The following NCOA2 variants were observed in gnomAD, a reference collection of about 807,000 sequenced individuals.
The protein encoded by NCOA2 is nuclear receptor coactivator 2.
In NCOA2, 21 loss-of-function variants were observed where a neutral mutation model predicts 145.1. The ratio of observed to expected loss-of-function variants is 0.14; its 90% CI spans 0.10 to 0.21. The LOEUF is 0.21. Ranked by LOEUF, NCOA2 falls within the 10% of genes least tolerant of loss-of-function variation. The probability of loss-of-function intolerance (pLI) is 1.00; values close to 1 mark genes in which losing one functional copy is unlikely to be tolerated. For missense variants in NCOA2, 1,472 were observed against 1,837.6 expected, an observed-to-expected ratio of 0.80 and a Z score of 3.64; for synonymous variants, 619 against 637.5, an observed-to-expected ratio of 0.97 and a Z score of 0.44.
intron 1 of NCOA2, among the ~76,000 whole-genome samples, chr8:70,375,988 T>C (rs971068024): frequency 1.3e-5 from 2 of 152,206 alleles, no homozygotes; most frequent in Non-Finnish European, 2.9e-5. Flanking sequence ...AGAAGAACTA[T>C]AATTTTATTC....
chr8:70,314,180 C>CATAAAAAAAAAAA (rs1805368858), intron 1 of NCOA2, among the ~76,000 whole-genome samples: 1 of 17,202 alleles, frequency 5.8e-5, no homozygotes, highest in African/African-American at 1.1e-4. Flanking sequence ...ACTCTGACTC[C>CATAAAAAAAAAAA]AAAAAAAAAA....
At chr8:70,451,957 GTGTTTGTTTGTT>G in the NCOA2 span, among the ~76,000 whole-genome samples, 973 of 151,306 alleles carry the variant, frequency 6.4e-3, 9 homozygotes, top group African/African-American at 0.022. Flanking sequence ...GGCATTTAAG[GTGTTTGTTTGTT>G]TGTTTGTTTG....
chr8:70,364,968 G>T (rs967123370), intron 1 of NCOA2, among the ~76,000 whole-genome samples: 1 of 151,958 alleles, frequency 6.6e-6, no homozygotes, highest in Non-Finnish European at 1.5e-5. Flanking sequence ...ATGGCCGAGT[G>T]ATGTGGTTAA....
At chr8:70,128,666 C>T (rs1228118390) in intron 17 of NCOA2, 36 bp downstream of exon 17, 5 of 1,607,048 alleles carry the variant, frequency 3.1e-6, no homozygotes, top group Non-Finnish European at 4.3e-6. Context: ...CTCCACCCAG[C>T]ACCCCTGACT....
chr8:70,389,499 C>G (rs1426136708), intron 1 of NCOA2, among the ~76,000 whole-genome samples: 1 of 152,066 alleles, frequency 6.6e-6, no homozygotes, highest in Non-Finnish European at 1.5e-5. Context: ...AGGCTGGTCT[C>G]GAACTCCCGA....
At chr8:70,318,222 A>G (rs1381380202) in intron 1 of NCOA2, among the ~76,000 whole-genome samples, 2 of 152,256 alleles carry the variant, frequency 1.3e-5, no homozygotes, top group Non-Finnish European at 2.9e-5. Flanking sequence ...TCAATAAGCC[A>G]GTGAAGAAAC....
chr8:70,260,972 G>C (rs943474889), intron 2 of NCOA2, among the ~76,000 whole-genome samples: 2 of 152,182 alleles, frequency 1.3e-5, no homozygotes, highest in African/African-American at 4.8e-5. Flanking sequence ...GAGAGGATGT[G>C]GAGAAATAGG....
In NCOA2 at chr8:70,251,713, C is replaced by A. The variant is rs181694035; in HGVS notation, c.-19-34949G>T. On this transcript the variant is annotated intron_variant, in intron 2 of 22. Transcript: ENST00000452400. ...CCAAGAATTTGATTCAGTATTAATC[C>A]AGCTCTTTGAGATCAGTATTACTCC... Among the ~76,000 whole-genome samples, 30 of 152,278 alleles carry A rather than the reference C, an allele frequency of 2.0e-4. No homozygotes were observed. The East Asian group carries it at 4.8e-3, about 24-fold the overall frequency.
At chr8:70,277,919 G>T (rs909764867) in intron 2 of NCOA2, among the ~76,000 whole-genome samples, 1 of 151,806 alleles carries the variant, frequency 6.6e-6, no homozygotes, top group African/African-American at 2.4e-5. Flanking sequence ...TAATTTACAT[G>T]CCATACAATT....
intron 2 of NCOA2, among the ~76,000 whole-genome samples, chr8:70,283,444 T>A (rs1826025929): frequency 6.6e-6 from 1 of 152,114 alleles, no homozygotes; most frequent in African/African-American, 2.4e-5. Flanking sequence ...AGGCAACAAA[T>A]ACAATTTGCA....
chr8:70,124,600 G>T, intron 20 of NCOA2, 88 bp downstream of exon 20: 1 of 1,313,690 alleles, frequency 7.6e-7, no homozygotes, highest in Admixed American at 2.9e-5. Context: ...AAAACAAACA[G>T]AAAGCTCCTC....
At chr8:70,139,668 T>G (rs1206957153) in intron 14 of NCOA2, among the ~76,000 whole-genome samples, 2 of 148,010 alleles carry the variant, frequency 1.4e-5, no homozygotes, top group Non-Finnish European at 3.0e-5. Context: ...TTTTTTTTTT[T>G]TTGAGGAGGA....
At chr8:70,384,251 T>G (rs2131494391) in intron 1 of NCOA2, among the ~76,000 whole-genome samples, 1 of 149,998 alleles carries the variant, frequency 6.7e-6, no homozygotes, top group South Asian at 2.1e-4. Context: ...AGGATTATAT[T>G]CAAACTCCAA....
At chr8:70,378,574 T>C (rs960564053) in intron 1 of NCOA2, among the ~76,000 whole-genome samples, 1 of 152,048 alleles carries the variant, frequency 6.6e-6, no homozygotes, top group Non-Finnish European at 1.5e-5. Context: ...ACTCCAAATA[T>C]AGTTTCATTG....
intron 2 of NCOA2, among the ~76,000 whole-genome samples, chr8:70,220,621 T>C (rs575155653): frequency 4.9e-4 from 74 of 152,304 alleles, no homozygotes; most frequent in Middle Eastern, 3.4e-3. Flanking sequence ...GTTGAATCCT[T>C]AGCATAATGA....
At chr8:70,354,730 T>G (rs1318502631) in intron 1 of NCOA2, among the ~76,000 whole-genome samples, 3 of 152,242 alleles carry the variant, frequency 2.0e-5, no homozygotes, top group Non-Finnish European at 4.4e-5. Flanking sequence ...ATATTAATGA[T>G]ACTTAAGCTC....
chr8:70,215,797 T>C (rs1166008221), intron 3 of NCOA2, among the ~76,000 whole-genome samples: 1 of 152,252 alleles, frequency 6.6e-6, no homozygotes, highest in African/African-American at 2.4e-5. Context: ...GCAACAATTA[T>C]TGTTTCTTGA....
upstream of NCOA2, chr8:70,403,887 C>T (rs1376637903): frequency 5.8e-5 from 22 of 382,428 alleles, no homozygotes; most frequent in East Asian, 8.1e-4. Flanking sequence ...TCCGCGTCTC[C>T]GCACTTGCGG....
rs770975512 is a variant in NCOA2, at chr8:70,123,936, GTCATGCTGATCTGTCCTGTCATCTGGT to G, written c.4214_4240del (p.Asn1405_Met1413del). The G allele has an allele frequency of 6.2e-7, 1 of 1,613,962 alleles. No homozygotes were observed. Among genetic ancestry groups the G allele is most frequent in the Admixed American group, 1.7e-5 (1 of 60,032 alleles). On this transcript the variant is annotated inframe_deletion, in exon 21 of 23. Transcript: ENST00000452400. ...TGACGTAGGCACGGAGGTCACTGAG[GTCATGCTGATCTGTCCTGTCATCTGGT>G]TCATGCTGCTCATGCCACCTGTGTT... is the stretch of plus-strand genomic sequence containing the variant.
Sources: allele counts gnomAD v4.1 joint callset (sites outside exome capture counted in the v4.1 genomes callset), GRCh38; gene constraint gnomAD v4.1.1; transcripts MANE v1.5; gene names NCBI Gene and HGNC (gene_info 2026-07-23, HGNC 2026-07-21).